Variants in MRPL39 observed in about 807,000 individuals in gnomAD.
MRPL39 encodes large ribosomal subunit protein mL39.
MRPL39 carries 35 observed loss-of-function variants against 44.5 expected under a neutral mutation model. The ratio of observed to expected loss-of-function variants is 0.79; its 90% CI spans 0.60 to 1.04. The LOEUF (loss-of-function observed/expected upper bound fraction) is 1.04, where lower values mean the gene tolerates loss of function less well. MRPL39 is among the 50% of genes least tolerant of loss of function. The pLI is 0.00. For synonymous variants in MRPL39, 139 were observed against 136.1 expected (o/e 1.02, Z -0.15); for missense variants, 433 against 413.5 (o/e 1.05, Z -0.41).
chr21:25,587,068 G>C (rs2031020141), intron 9 of MRPL39, among the ~76,000 whole-genome samples: 2 of 152,126 alleles, frequency 1.3e-5, no homozygotes, highest in South Asian at 2.1e-4. Context: ...AAAATGGACA[G>C]TAGAAAAAAG....
chr21:25,607,602 G>C (rs2031734999), upstream of MRPL39: 1 of 925,690 alleles, frequency 1.1e-6, no homozygotes, highest in Non-Finnish European at 1.6e-6. Context: ...CGCCTCCACC[G>C]GGGGGCGTCA....
In MRPL39 at chr21:25,606,446, T is replaced by TA. The variant is rs777121724; in HGVS notation, c.280+2dup. ...AAAACTGTAACCTGATTCTGCTACT[T>TA]ACGCATGGCACAACTGTAGGGAGTT... On this transcript the variant is annotated splice_region_variant and intron_variant, in intron 2 of 9. Transcript: ENST00000352957. 1 of 1,590,248 alleles carries TA rather than the reference T, an allele frequency of 6.3e-7. No individual in the cohort carries two copies. The highest frequency in any genetic ancestry group is 2.2e-5 in the East Asian group (1 of 44,610).
intron 7 of MRPL39, 57 bp from the exon 8 acceptor site, chr21:25,593,022 T>C (rs534752050): frequency 7.0e-7 from 1 of 1,432,860 alleles, no homozygotes; most frequent in East Asian, 2.3e-5. Context: ...TTGTAAGAGC[T>C]TGAAAAAGAA....
At chr21:25,588,283 G>A (rs139703410) in intron 9 of MRPL39, among the ~76,000 whole-genome samples, 6,583 of 150,674 alleles carry the variant, frequency 0.044, 213 homozygotes, top group East Asian at 0.097. Context: ...CTGCACTCCA[G>A]CCTGGGAGAC....
intron 2 of MRPL39, among the ~76,000 whole-genome samples, 184 bp from the exon 3 acceptor site, chr21:25,604,119 T>A (rs1421912803): frequency 6.7e-6 from 1 of 149,686 alleles, no homozygotes. Context: ...ATTAGCCAGG[T>A]GTGGGGGCAC....
intron 2 of MRPL39, among the ~76,000 whole-genome samples, chr21:25,604,531 C>G (rs1224813751): frequency 6.6e-6 from 1 of 152,126 alleles, no homozygotes. Flanking sequence ...GTCTTGCTCC[C>G]AAACCATCTC....
At chr21:25,591,828 T>G (rs1387122014) in intron 8 of MRPL39, among the ~76,000 whole-genome samples, 1 of 152,176 alleles carries the variant, frequency 6.6e-6, no homozygotes, top group East Asian at 1.9e-4. Context: ...TCCTGGGTAT[T>G]TATCCCAGAG....
chr21:25,604,776 T>C (rs909923712), intron 2 of MRPL39, among the ~76,000 whole-genome samples: 2 of 152,218 alleles, frequency 1.3e-5, no homozygotes, highest in Admixed American at 1.3e-4. Context: ...TCAGGGATCA[T>C]GTCTACTTTT....
At chr21:25,598,967 G>A (rs935401375) in intron 5 of MRPL39, among the ~76,000 whole-genome samples, 6 of 151,906 alleles carry the variant, frequency 3.9e-5, no homozygotes, top group African/African-American at 1.5e-4. Context: ...CAGTGGAAAT[G>A]ATAAAATGAT....
At chr21:25,607,313 C>T (rs2031712621) in intron 1 of MRPL39, 90 bp downstream of exon 1, 1 of 1,433,260 alleles carries the variant, frequency 7.0e-7, no homozygotes, top group Non-Finnish European at 9.8e-7. Flanking sequence ...CTCTGCCCCG[C>T]GGGACCTCCC....
At chr21:25,592,271 C>T (rs1160877280) in intron 8 of MRPL39, among the ~76,000 whole-genome samples, 3 of 152,130 alleles carry the variant, frequency 2.0e-5, no homozygotes, top group Non-Finnish European at 4.4e-5. Flanking sequence ...TTCATTGTAT[C>T]GCTGTCCATA....
In MRPL39 at chr21:25,605,243, T is replaced by G. The variant is rs539473129; in HGVS notation, c.280+1206A>C. ...TTTGGGGCTTCTTTAATTTAAATAT[T>G]ACCAGTTCTATCAAACGTACTATCA... is the stretch of plus-strand genomic sequence containing the variant. On this transcript the variant is annotated intron_variant, in intron 2 of 9. Transcript: ENST00000352957. Among the ~76,000 whole-genome samples the G allele has an allele frequency of 3.3e-5, 5 of 152,334 alleles. 1 individual carries two copies. The South Asian group carries it at 1.0e-3, about 32-fold the overall frequency.
intron 2 of MRPL39, among the ~76,000 whole-genome samples, chr21:25,604,571 A>C (rs888413745): frequency 6.6e-6 from 1 of 152,206 alleles, no homozygotes; most frequent in East Asian, 1.9e-4. Flanking sequence ...GCTTCAAGTT[A>C]AATACAGTAG....
At chr21:25,594,277 G>T (rs1008213107) in intron 6 of MRPL39, among the ~76,000 whole-genome samples, 1 of 137,858 alleles carries the variant, frequency 7.3e-6, no homozygotes, top group Non-Finnish European at 1.5e-5. Context: ...TTTGAGGCAG[G>T]GTCTTACTCT....
Position 25,592,835 on chromosome 21 carries a change from C to A in MRPL39, c.898G>T (p.Val300Leu), listed in dbSNP as rs115668266. 3.0e-4 allele frequency: 489 copies of A among 1,611,944 alleles called. 1 individual carries two copies. The African/African-American group carries it at 5.9e-3, about 19-fold the overall frequency. The change falls in exon 8 of 10, where the codon GTG becomes TTG. Residue 300 changes from valine to leucine, a missense_variant. Val to Leu is a conservative substitution (Grantham distance 32, BLOSUM62 1). Transcript: ENST00000352957. ...QPSLIRRFQG[V>L]SLPVHLRAHF... is the part of the protein sequence containing the mutation. ...ACTCTTAAGTGAACAGGTAAAGACA[C>A]GCCCTGGAATCTTCGTATGAGACTT...
chr21:25,586,185 T>C (rs2030992743), intron 9 of MRPL39, among the ~76,000 whole-genome samples: 1 of 152,172 alleles, frequency 6.6e-6, no homozygotes, highest in South Asian at 2.1e-4. Flanking sequence ...TCTGTGTCAC[T>C]CAGACTCATC....
chr21:25,603,793 T>C lies in MRPL39; in HGVS notation c.420+3A>G, dbSNP rs1403950538. The stretch of plus-strand genomic sequence containing the variant: ...TAGAAAAAGAATGTAGAGATAGAAA[T>C]ACCTTATTCACTTCTCCTGGATCAC... On this transcript the variant is annotated splice_donor_region_variant and intron_variant, in intron 3 of 9. Coordinates refer to ENST00000352957, the MANE Select transcript of MRPL39 (RefSeq NM_017446.4). 1.3e-6 allele frequency: 2 copies of C among 1,599,394 alleles called. No individual in the cohort carries two copies. Among genetic ancestry groups the C allele is most frequent in the Non-Finnish European group, 1.7e-6 (2 of 1,174,860 alleles).
intron 5 of MRPL39, among the ~76,000 whole-genome samples, chr21:25,597,834 T>C (rs2031405201): frequency 6.6e-6 from 1 of 152,154 alleles, no homozygotes; most frequent in African/African-American, 2.4e-5. Context: ...GGAAAAATTA[T>C]TGTTTTCTTA....
intron 4 of MRPL39, 97 bp from the exon 5 acceptor site, chr21:25,599,963 A>G (rs2123247467): frequency 1.1e-6 from 1 of 881,782 alleles, no homozygotes; most frequent in Non-Finnish European, 1.9e-6. Context: ...AAAAAGGATT[A>G]GCACTCTCTC....
Sources: gnomAD v4.1 joint callset for allele counts (sites outside exome capture counted in the v4.1 genomes callset) on GRCh38, gnomAD v4.1.1 for gene constraint, MANE v1.5 for transcripts, NCBI Gene and HGNC (gene_info 2026-07-23, HGNC 2026-07-21) for gene names.